LRMDA: variants seen among roughly 807,000 people sequenced by gnomAD.
LRMDA encodes the protein leucine rich melanocyte differentiation associated.
Under a neutral mutation model 29.8 loss-of-function variants are expected in LRMDA, and 18 were observed. That is an observed-to-expected ratio of 0.60 (90% CI 0.42 to 0.90). LRMDA has a LOEUF of 0.90. Among genes scored for constraint, LRMDA ranks in the 40% least tolerant of loss-of-function variants. The probability of loss-of-function intolerance (pLI) is 0.00; values close to 1 mark genes in which losing one functional copy is unlikely to be tolerated. For missense variants in LRMDA, 273 were observed against 273.9 expected, an observed-to-expected ratio of 1.00 and a Z score of 0.02; for synonymous variants, 125 against 109.4, an observed-to-expected ratio of 1.14 and a Z score of -0.89.
intron 5 of LRMDA, among the ~76,000 whole-genome samples, chr10:76,097,132 T>G (rs1045448674): frequency 7.9e-5 from 12 of 152,124 alleles, no homozygotes; most frequent in Non-Finnish European, 1.2e-4. Flanking sequence ...TGCTTCAGCC[T>G]CCTGAGTAGC....
At chr10:75,917,390 C>T (rs1162536735) in intron 2 of LRMDA, among the ~76,000 whole-genome samples, 2 of 152,194 alleles carry the variant, frequency 1.3e-5, no homozygotes, top group Non-Finnish European at 1.5e-5. Flanking sequence ...CTCTAGAGAA[C>T]ACGACTCCAT....
chr10:76,383,611 TAG>T (rs1841622717), intron 6 of LRMDA, among the ~76,000 whole-genome samples: 1 of 149,572 alleles, frequency 6.7e-6, no homozygotes, highest in Non-Finnish European at 1.5e-5. Flanking sequence ...TTTGTATTTT[TAG>T]TAGAGACGGG....
chr10:76,428,393 T>C (rs1021246213), intron 6 of LRMDA, among the ~76,000 whole-genome samples: 1 of 152,036 alleles, frequency 6.6e-6, no homozygotes, highest in Non-Finnish European at 1.5e-5. Context: ...TCTGTGGAGA[T>C]TGACATGGCT....
chr10:76,050,038 T>TG lies in LRMDA; in HGVS notation c.398+2736dup, dbSNP rs1335269539. ...AACCCATGGTTCATTTAGTGCTGTC[T>TG]GAAAAAAATTCTTATTGATTGGCAT... On this transcript the variant is annotated intron_variant, in intron 4 of 6. Transcript: ENST00000611255. Among the ~76,000 whole-genome samples the TG allele has an allele frequency of 4.6e-5, 7 of 152,354 alleles. No homozygotes were observed. The East Asian group carries it at 1.3e-3, about 29-fold the overall frequency.
At chr10:75,798,295 G>T (rs764072290) in intron 2 of LRMDA, among the ~76,000 whole-genome samples, 2 of 151,856 alleles carry the variant, frequency 1.3e-5, no homozygotes, top group Admixed American at 1.3e-4. Flanking sequence ...GGTATGTTTT[G>T]ATGTGCAAAA....
intron 2 of LRMDA, among the ~76,000 whole-genome samples, chr10:75,884,934 T>C (rs1287482240): frequency 6.6e-6 from 1 of 150,792 alleles, no homozygotes; most frequent in Non-Finnish European, 1.5e-5. Flanking sequence ...TCAGGAGGCC[T>C]GGGGAGAACT....
At chr10:75,980,999 C>T (rs550999854) in intron 2 of LRMDA, among the ~76,000 whole-genome samples, 5 of 152,154 alleles carry the variant, frequency 3.3e-5, no homozygotes, top group Non-Finnish European at 5.9e-5. Context: ...GTTGGCAGCT[C>T]AACTTTATGT....
intron 2 of LRMDA, among the ~76,000 whole-genome samples, chr10:75,823,614 C>T (rs1363005307): frequency 6.6e-6 from 1 of 152,024 alleles, no homozygotes; most frequent in Non-Finnish European, 1.5e-5. Flanking sequence ...TGCAATCCCA[C>T]TACTGGGTAT....
chr10:76,122,147 G>A (rs932856163), intron 5 of LRMDA, among the ~76,000 whole-genome samples: 3 of 152,178 alleles, frequency 2.0e-5, no homozygotes, highest in Non-Finnish European at 4.4e-5. Flanking sequence ...AGAGTTCCAG[G>A]CAGAGGGAAC....
chr10:76,342,297 A>G lies in LRMDA; in HGVS notation c.601+17812A>G, dbSNP rs181016914. On this transcript the variant is annotated intron_variant, in intron 6 of 6. Coordinates refer to ENST00000611255, the MANE Select transcript of LRMDA (RefSeq NM_001305581.2). ...ATTAAAAACAAACAAAAAAAAGATA[A>G]CATATAAGCCTAAACTGTAGAATAG... 1.9e-4 allele frequency among the ~76,000 whole-genome samples: 29 copies of G among 152,280 alleles called. No individual in the cohort carries two copies. The East Asian group carries it at 5.0e-3, about 26-fold the overall frequency.
In LRMDA at chr10:76,456,319, C is replaced by A. The variant is rs114556836; in HGVS notation, c.602-100890C>A. ...AAAATGTTCCACTCTGAAGTTTTAT[C>A]ATGGAGGCCAAAGAGCATGTTCAAT... On this transcript the variant is annotated intron_variant, in intron 6 of 6. Transcript: ENST00000611255. Among the ~76,000 whole-genome samples, 1,383 of 152,224 alleles carry A rather than the reference C, an allele frequency of 9.1e-3. 18 individuals carry two copies. The highest frequency in any genetic ancestry group is 0.032 in the African/African-American group (1,327 of 41,546).
At chr10:75,495,640 C>A (rs1845035732) in intron 2 of LRMDA, among the ~76,000 whole-genome samples, 1 of 152,182 alleles carries the variant, frequency 6.6e-6, no homozygotes, top group African/African-American at 2.4e-5. Flanking sequence ...AAGGGCAACC[C>A]CTTTGAGATC....
intron 2 of LRMDA, among the ~76,000 whole-genome samples, chr10:75,520,524 C>T (rs976332516): frequency 3.3e-5 from 5 of 152,296 alleles, no homozygotes; most frequent in Admixed American, 6.5e-5. Context: ...GTTTTCAGCT[C>T]CATCAGGTCA....
chr10:76,138,757 T>C (rs937037200), intron 5 of LRMDA, among the ~76,000 whole-genome samples: 1 of 152,226 alleles, frequency 6.6e-6, no homozygotes, highest in Admixed American at 6.5e-5. Context: ...CACCTTTTTC[T>C]AGAAGTTATT....
intron 2 of LRMDA, among the ~76,000 whole-genome samples, chr10:75,588,117 C>T (rs1840678473): frequency 6.6e-6 from 1 of 152,150 alleles, no homozygotes; most frequent in Non-Finnish European, 1.5e-5. Flanking sequence ...CACCATGCTT[C>T]ACCTGCTGTG....
chr10:75,740,416 T>C (rs539024720), intron 2 of LRMDA, among the ~76,000 whole-genome samples: 3 of 152,256 alleles, frequency 2.0e-5, no homozygotes, highest in African/African-American at 7.2e-5. Context: ...TCTCAGGCAG[T>C]TGAGGCTGAC....
intron 2 of LRMDA, among the ~76,000 whole-genome samples, chr10:75,546,938 A>G (rs1026972670): frequency 6.6e-6 from 1 of 152,214 alleles, no homozygotes; most frequent in African/African-American, 2.4e-5. Flanking sequence ...TTACAGATGG[A>G]AAAACTTAGG....
At chr10:75,544,109 T>TTG (rs901435557) in intron 2 of LRMDA, among the ~76,000 whole-genome samples, 2 of 152,084 alleles carry the variant, frequency 1.3e-5, no homozygotes, top group African/African-American at 4.8e-5. Flanking sequence ...GCACATGCGT[T>TTG]TGTGTGTGTG....
chr10:75,788,180 A>G (rs1843505080), intron 2 of LRMDA, among the ~76,000 whole-genome samples: 1 of 152,254 alleles, frequency 6.6e-6, no homozygotes, highest in Admixed American at 6.5e-5. Flanking sequence ...CAGCCTGGCA[A>G]CAGAGCGAGA....
Sources: allele counts gnomAD v4.1 joint callset (sites outside exome capture counted in the v4.1 genomes callset), GRCh38; gene constraint gnomAD v4.1.1; transcripts MANE v1.5; gene names NCBI Gene and HGNC (gene_info 2026-07-23, HGNC 2026-07-21).